The following PGBD5 variants were observed in gnomAD, a reference collection of about 807,000 sequenced individuals.
PGBD5 encodes piggyBac transposable element-derived protein 5.
Under a neutral mutation model 47.9 loss-of-function variants are expected in PGBD5, and 14 were observed. The observed-to-expected ratio is 0.29, with a 90% CI of 0.19 to 0.46. The LOEUF (loss-of-function observed/expected upper bound fraction) is 0.46. Among genes scored for constraint, PGBD5 ranks in the 20% least tolerant of loss-of-function variants. PGBD5 has a pLI of 1.00. For missense variants in PGBD5, 635 were observed against 716.0 expected, an observed-to-expected ratio of 0.89 and a Z score of 1.29; for synonymous variants, 316 against 306.3, an observed-to-expected ratio of 1.03 and a Z score of -0.33.
intron 1 of PGBD5, among the ~76,000 whole-genome samples, chr1:230,373,490 G>A (rs999037977): frequency 6.6e-6 from 1 of 152,198 alleles, no homozygotes; most frequent in Non-Finnish European, 1.5e-5. Context: ...CTCAGTGGGG[G>A]AGGGCAAACC....
chr1:230,370,908 C>G (rs1667918229), intron 1 of PGBD5, among the ~76,000 whole-genome samples: 1 of 152,204 alleles, frequency 6.6e-6, no homozygotes, highest in South Asian at 2.1e-4. Context: ...TGAAAGCCCT[C>G]AGGCACAGAC....
chr1:230,392,387 G>A (rs1380309021), intron 1 of PGBD5, among the ~76,000 whole-genome samples: 2 of 152,202 alleles, frequency 1.3e-5, no homozygotes, highest in Non-Finnish European at 2.9e-5. Context: ...GCCAGAGCCC[G>A]AGGCCCGGCT....
chr1:230,347,237 G>C (rs67600075), intron 3 of PGBD5, among the ~76,000 whole-genome samples: 4,056 of 152,202 alleles, frequency 0.027, 73 homozygotes, highest in African/African-American at 0.037. Context: ...AGAAGCACGA[G>C]TGTGTGTATA....
chr1:230,333,010 C>CCGCG lies in PGBD5; in HGVS notation c.1103_1106dup (p.Lys370AlafsTer4). The CCGCG allele has an allele frequency of 6.2e-7, 1 of 1,608,590 alleles. No homozygotes were observed. The highest frequency in any genetic ancestry group is 8.5e-7 in the Non-Finnish European group (1 of 1,177,600). ...GTGGGAGGCCGGTGCAGTCACTCTT[C>CCGCG]CGCGCGCGGAGCAAGCCGCAGCAGT... On this transcript the variant is annotated frameshift_variant, in exon 5 of 7. Coordinates refer to ENST00000391860, the MANE Select transcript of PGBD5 (RefSeq NM_001258311.2). LOFTEE classifies it high-confidence loss of function.
chr1:230,342,603 A>T (rs576817825), intron 3 of PGBD5, among the ~76,000 whole-genome samples: 26 of 152,228 alleles, frequency 1.7e-4, no homozygotes, highest in African/African-American at 5.5e-4. Context: ...CATGAGAGGA[A>T]CTGAGGCAGG....
intron 1 of PGBD5, among the ~76,000 whole-genome samples, chr1:230,366,362 G>C (rs1667833994): frequency 1.1e-5 from 1 of 90,166 alleles, no homozygotes; most frequent in South Asian, 3.4e-4. Flanking sequence ...GCTGGATCCT[G>C]TTCCTGTTTT....
intron 1 of PGBD5, among the ~76,000 whole-genome samples, chr1:230,358,695 T>C (rs969087368): frequency 6.6e-6 from 1 of 152,164 alleles, no homozygotes; most frequent in South Asian, 2.1e-4. Context: ...TGTTTAGATA[T>C]GTTTGGATGC....
rs576597616 is a variant in PGBD5 at position 230,358,263 on chromosome 1, ACTGAT to A, written c.332-947_332-943del. Among the ~76,000 whole-genome samples the A allele has an allele frequency of 1.2e-4, 18 of 152,142 alleles. No individual in the cohort carries two copies. In the South Asian group the frequency reaches 3.5e-3, roughly 30 times the overall value. ...TACAAATCTGGCACATTCGGTAAAT[ACTGAT>A]CTGAAGAGAAAAAGACACATAAGGG... On this transcript the variant is annotated intron_variant, in intron 1 of 6. Transcript: ENST00000391860.
intron 3 of PGBD5, among the ~76,000 whole-genome samples, chr1:230,344,905 C>T (rs1233967252): frequency 1.3e-5 from 2 of 152,086 alleles, no homozygotes; most frequent in Non-Finnish European, 2.9e-5. Context: ...CTTTAGATGA[C>T]ACCTCCCTAT....
intron 5 of PGBD5, among the ~76,000 whole-genome samples, chr1:230,331,187 A>G (rs1463196668): frequency 6.6e-6 from 1 of 152,080 alleles, no homozygotes; most frequent in Non-Finnish European, 1.5e-5. Flanking sequence ...CTGAGGCTAG[A>G]GGATCACTTG....
chr1:230,318,480 A>AG lies in PGBD5; in HGVS notation c.*4944dup, dbSNP rs1186885196. 1.3e-5 allele frequency: 2 copies of AG among 152,336 alleles called. No individual in the cohort carries two copies. The highest frequency in any genetic ancestry group is 4.8e-5 in the African/African-American group (2 of 41,438). 9.4% of individuals were successfully genotyped at this position (152,336 alleles called of 1,614,324 possible). A position where few individuals can be genotyped will look rare whatever the true frequency, so the allele number is the denominator to read the frequency against. On this transcript the variant is annotated 3_prime_UTR_variant, in exon 7 of 7. Coordinates refer to ENST00000391860, the MANE Select transcript of PGBD5 (RefSeq NM_001258311.2). ...ACAGACAGAACTGTTTTCCAAAGCA[A>AG]GCTGCAGAGGCCACCGGTGGGGAGG...
intron 5 of PGBD5, among the ~76,000 whole-genome samples, chr1:230,331,729 A>C (rs533769974): frequency 1.3e-5 from 2 of 151,214 alleles, no homozygotes; most frequent in African/African-American, 4.9e-5. Context: ...TCCTTGGCTC[A>C]AGCAATGTCC....
chr1:230,370,302 T>G (rs1667909307), intron 1 of PGBD5, among the ~76,000 whole-genome samples: 1 of 152,182 alleles, frequency 6.6e-6, no homozygotes, highest in East Asian at 1.9e-4. Context: ...AGGTCAGCGC[T>G]GCGGTTCGTG....
intron 2 of PGBD5, among the ~76,000 whole-genome samples, chr1:230,354,535 T>C (rs1001557466): frequency 6.6e-6 from 1 of 152,182 alleles, no homozygotes; most frequent in Non-Finnish European, 1.5e-5. Flanking sequence ...TATTCAATTT[T>C]TTGATAACAT....
At chr1:230,413,779 A>G (rs1251078706) in intron 1 of PGBD5, among the ~76,000 whole-genome samples, 7 of 152,112 alleles carry the variant, frequency 4.6e-5, no homozygotes, top group Admixed American at 4.6e-4. Context: ...GCTGCATCAC[A>G]ACTATCTGTG....
At chr1:230,388,899 G>A (rs984934811) in intron 1 of PGBD5, among the ~76,000 whole-genome samples, 2 of 152,196 alleles carry the variant, frequency 1.3e-5, no homozygotes, top group Non-Finnish European at 2.9e-5. Context: ...ATGGGGAAAG[G>A]AGGGGCCTCC....
chr1:230,425,584 G>A lies in PGBD5; in HGVS notation c.331+14C>T, dbSNP rs1244043824. The A allele has an allele frequency of 3.3e-6, 4 of 1,219,140 alleles. No homozygotes were observed. The highest frequency in any genetic ancestry group is 4.1e-6 in the Non-Finnish European group (4 of 980,098). The allele number at this position is 1,219,140 out of a possible 1,614,324, so 75.5% of individuals were successfully genotyped here. Reference sequence around the variant, plus strand: ...AGCGCCGCCCCCGACATCCACCCGCGGGCAGCCCCTTACCGCCGGTATCCT... The same window carrying A: ...AGCGCCGCCCCCGACATCCACCCGCAGGCAGCCCCTTACCGCCGGTATCCT... On this transcript the variant is annotated intron_variant, in intron 1 of 6. Transcript: ENST00000391860. This position sits in a 1 kb window ranked among gnomAD's most constrained non-coding sequence, Gnocchi z 4.7.
intron 6 of PGBD5, 53 bp downstream of exon 6, chr1:230,325,257 G>C: frequency 7.6e-7 from 1 of 1,318,984 alleles, no homozygotes; most frequent in Non-Finnish European, 1.1e-6. Context: ...CATCTCTTCC[G>C]AGACGGCACA....
Position 230,321,147 on chromosome 1 carries a change from G to GA in PGBD5, c.*2277dup, listed in dbSNP as rs1667026666. 1 of 152,226 alleles carries GA rather than the reference G, an allele frequency of 6.6e-6. No individual in the cohort carries two copies. The highest frequency in any genetic ancestry group is 2.1e-4 in the South Asian group (1 of 4,832). 9.4% of individuals were successfully genotyped at this position (152,226 alleles called of 1,614,324 possible). ...AGGCAGGCCTGCTAGTGTCTTCAAT[G>GA]AAACAGGCACCTCAAATACAACTGC... On this transcript the variant is annotated 3_prime_UTR_variant, in exon 7 of 7. Coordinates refer to ENST00000391860, the MANE Select transcript of PGBD5 (RefSeq NM_001258311.2).
Sources: gnomAD v4.1 joint callset for allele counts (sites outside exome capture counted in the v4.1 genomes callset) on GRCh38, gnomAD v4.1.1 for gene constraint, Gnocchi (gnomAD v3.1) non-coding constraint, MANE v1.5 for transcripts, NCBI Gene and HGNC (gene_info 2026-07-23, HGNC 2026-07-21) for gene names.